The following CDH17 variants were observed in gnomAD, a reference collection of about 807,000 sequenced individuals.
The protein encoded by CDH17 is cadherin 17.
In CDH17, 67 loss-of-function variants were observed where a neutral mutation model predicts 86.3. The ratio of observed to expected loss-of-function variants is 0.78; its 90% confidence interval spans 0.64 to 0.95. The LOEUF (loss-of-function observed/expected upper bound fraction) is 0.95, where lower values mean the gene tolerates loss of function less well. Ranked by LOEUF, CDH17 falls within the 40% of genes least tolerant of loss-of-function variation. The pLI is 0.00. For synonymous variants in CDH17, 367 were observed against 366.4 expected (o/e 1.00, Z -0.02); for missense variants, 993 against 1,017.6 (o/e 0.98, Z 0.33).
chr8:94,179,952 A>G (rs1227565005), intron 3 of CDH17, among the ~76,000 whole-genome samples: 1 of 152,208 alleles, frequency 6.6e-6, no homozygotes, highest in Non-Finnish European at 1.5e-5. Context: ...AAGTCAATAG[A>G]AACTGTCCCT....
intron 12 of CDH17, among the ~76,000 whole-genome samples, chr8:94,155,339 T>A (rs565707495): frequency 1.3e-5 from 2 of 151,784 alleles, no homozygotes; most frequent in South Asian, 4.2e-4. Context: ...ACTGTCCAGT[T>A]GAGATAAAAG....
At chr8:94,168,359 G>A (rs1206950016) in intron 9 of CDH17, among the ~76,000 whole-genome samples, 18 of 145,440 alleles carry the variant, frequency 1.2e-4, no homozygotes, top group African/African-American at 4.6e-4. Context: ...GGCTGGTCTC[G>A]AACTCCTGGC....
intron 15 of CDH17, among the ~76,000 whole-genome samples, chr8:94,131,419 A>G (rs1003586265): frequency 6.6e-6 from 1 of 152,212 alleles, no homozygotes; most frequent in Non-Finnish European, 1.5e-5. Context: ...TATTTAACAT[A>G]TATTGTTCAT....
At position 94,138,538 on chromosome 8, in the gene CDH17, G is replaced by C. The variant is rs139683299; in HGVS notation, c.2167+7390C>G. ...CAAAGTTAAGAAACTAGAGTTTACA[G>C]AGCAGAGTCCCAGAGAGAGCTGCAA... is the stretch of plus-strand genomic sequence containing the variant. On this transcript the variant is annotated intron_variant, in intron 15 of 17. Transcript: ENST00000027335. Among the ~76,000 whole-genome samples the C allele has an allele frequency of 1.3e-3, 196 of 152,300 alleles. 1 individual carries two copies. The highest frequency in any genetic ancestry group is 4.4e-3 in the African/African-American group (183 of 41,562).
At chr8:94,189,659 G>C (rs1813648580) in intron 2 of CDH17, among the ~76,000 whole-genome samples, 1 of 152,072 alleles carries the variant, frequency 6.6e-6, no homozygotes, top group Non-Finnish European at 1.5e-5. Flanking sequence ...AATTATATAT[G>C]TTTTTACTCC....
chr8:94,156,063 C>T (rs749345109), intron 12 of CDH17, among the ~76,000 whole-genome samples: 3 of 152,126 alleles, frequency 2.0e-5, no homozygotes, highest in Non-Finnish European at 2.9e-5. Flanking sequence ...TCAAGAGACC[C>T]GTCACTGCCT....
chr8:94,206,387 T>G (rs1011466235), intron 1 of CDH17, among the ~76,000 whole-genome samples: 3 of 152,224 alleles, frequency 2.0e-5, no homozygotes, highest in African/African-American at 7.2e-5. Flanking sequence ...ATTCTAAATC[T>G]GATACCAGAG....
chr8:94,128,697 T>TAC (rs1812350946), intron 17 of CDH17, among the ~76,000 whole-genome samples: 1 of 152,220 alleles, frequency 6.6e-6, no homozygotes, highest in African/African-American at 2.4e-5. Context: ...ACTTTATATA[T>TAC]ACTTAATATT....
At position 94,170,615 on chromosome 8, in the gene CDH17, GT is replaced by G; in HGVS notation, c.916-69del. 5 of 1,532,290 alleles carry G rather than the reference GT, an allele frequency of 3.3e-6. No individual in the cohort carries two copies. In the East Asian group the frequency reaches 6.8e-5, roughly 21 times the overall value. 94.9% of individuals were successfully genotyped at this position (1,532,290 alleles called of 1,614,324 possible). A position where few individuals can be genotyped will look rare whatever the true frequency, so the allele number is the denominator to read the frequency against. ...CCCTCTGTCAAAAGCAGAGAAAATC[GT>G]TGTTTCATTTCTATGTCATTTACTC... is the stretch of plus-strand genomic sequence containing the variant. On this transcript the variant is annotated intron_variant, in intron 8 of 17. Coordinates refer to ENST00000027335, the MANE Select transcript of CDH17 (RefSeq NM_004063.4).
intron 2 of CDH17, among the ~76,000 whole-genome samples, chr8:94,193,495 T>G (rs1481718430): frequency 7.9e-5 from 12 of 152,194 alleles, no homozygotes; most frequent in Non-Finnish European, 5.9e-5. Context: ...ACAAGTACTA[T>G]TATTAGATCC....
intron 10 of CDH17, among the ~76,000 whole-genome samples, chr8:94,163,124 G>A (rs557833926): frequency 7.1e-4 from 108 of 152,308 alleles, no homozygotes; most frequent in Admixed American, 2.5e-3. Flanking sequence ...TTGTTTACCC[G>A]AGTTACTCAT....
intron 15 of CDH17, among the ~76,000 whole-genome samples, chr8:94,143,605 G>T (rs904737228): frequency 3.3e-5 from 5 of 152,170 alleles, no homozygotes; most frequent in Admixed American, 3.3e-4. Flanking sequence ...ACATTGAAAA[G>T]TTTGTTTAGT....
intron 1 of CDH17, among the ~76,000 whole-genome samples, chr8:94,204,772 T>G (rs1467254242): frequency 6.6e-6 from 1 of 152,134 alleles, no homozygotes; most frequent in African/African-American, 2.4e-5. Context: ...GTTCCCCCAG[T>G]GCTCCCCAAG....
rs1451694095 is a variant in CDH17, at chr8:94,162,159, A to G, written c.1286T>C (p.Phe429Ser). ...NLTIEVSDKD[F>S]KTLCFVQINV... ...GATTTGCACAAAACAAAGGGTCTTG[A>G]AATCTGAAAACCAAAGTCATATGTC... is the stretch of plus-strand genomic sequence containing the variant. Residue 429 changes from phenylalanine (F) to serine (S), a missense_variant, in exon 11 of 18, where the codon TTC becomes TCC. Phe to Ser is a radical substitution (Grantham distance 155). Coordinates refer to ENST00000027335, the MANE Select transcript of CDH17 (RefSeq NM_004063.4). 3.8e-6 allele frequency: 6 copies of G among 1,599,096 alleles called. No homozygotes were observed. The highest frequency in any genetic ancestry group is 5.1e-6 in the Non-Finnish European group (6 of 1,166,752).
chr8:94,128,920 C>G (rs1333860167), intron 17 of CDH17, among the ~76,000 whole-genome samples: 1 of 152,100 alleles, frequency 6.6e-6, no homozygotes, highest in African/African-American at 2.4e-5. Flanking sequence ...CCTGATACAT[C>G]AAAATTACAC....
rs151133817 is a variant in CDH17 at position 94,148,721 on chromosome 8, GTTTT to G, written c.1927+19_1927+22del. 519 of 1,120,342 alleles carry G rather than the reference GTTTT, an allele frequency of 4.6e-4. No individual in the cohort carries two copies. The highest frequency in any genetic ancestry group is 8.2e-4 in the Middle Eastern group (3 of 3,640). The allele number at this position is 1,120,342 out of a possible 1,614,324, so 69.4% of individuals were successfully genotyped here. On this transcript the variant is annotated intron_variant, in intron 14 of 17. Transcript: ENST00000027335. ...TGATAATCTGTGTTCCTTTTTTTTT[GTTTT>G]TTTTTTTTTTTTGCTTACCTACTTC...
Position 94,130,713 on chromosome 8 carries a change from T to C in CDH17, c.2311A>G (p.Ser771Gly). 2 of 1,613,984 alleles carry C rather than the reference T, an allele frequency of 1.2e-6. No individual in the cohort carries two copies. The highest frequency in any genetic ancestry group is 1.3e-5 in the African/African-American group (1 of 75,048). ...TGGTGACCTGCTGGCCGGAAACAAC[T>C]TCCTTCCACACAACTGCAGAATGTA... ...PVTFCSCVEGSCFRPAGHQTG... is the reference protein window; with the variant it reads ...PVTFCSCVEGGCFRPAGHQTG... The change falls in exon 17 of 18, where the codon AGT becomes GGT. Residue 771 changes from serine to glycine, a missense_variant. Transcript: ENST00000027335.
intron 15 of CDH17, among the ~76,000 whole-genome samples, chr8:94,133,807 C>T (rs1360628934): frequency 6.6e-6 from 1 of 152,120 alleles, no homozygotes; most frequent in African/African-American, 2.4e-5. Flanking sequence ...TCATAAATAG[C>T]TCTTATTATT....
At chr8:94,146,756 G>T (rs568550051) in intron 14 of CDH17, among the ~76,000 whole-genome samples, 1 of 152,284 alleles carries the variant, frequency 6.6e-6, no homozygotes, top group South Asian at 2.1e-4. Flanking sequence ...TAGCACCTAC[G>T]TTATAGTGTT....
Sources: gnomAD v4.1 joint callset for allele counts (sites outside exome capture counted in the v4.1 genomes callset) on GRCh38, gnomAD v4.1.1 for gene constraint, MANE v1.5 for transcripts, NCBI Gene and HGNC (gene_info 2026-07-23, HGNC 2026-07-21) for gene names.